Variants in RIT2 observed in about 807,000 individuals in gnomAD.
RIT2 encodes GTP-binding protein Rit2.
A neutral mutation model predicts 23.7 loss-of-function variants in RIT2; 24 were observed. The ratio of observed to expected loss-of-function variants is 1.01; its 90% confidence interval spans 0.73 to 1.43. RIT2 has a LOEUF of 1.43. Among genes scored for constraint, RIT2 ranks in the 40% most tolerant of loss-of-function variants. The pLI, the probability that RIT2 is intolerant of heterozygous loss-of-function variation, is 0.00. For synonymous variants in RIT2, 107 were observed against 91.1 expected (o/e 1.17, Z -0.99); for missense variants, 236 against 266.9 (o/e 0.88, Z 0.81).
intron 4 of RIT2, among the ~76,000 whole-genome samples, chr18:42,797,211 C>A (rs990945969): frequency 1.3e-5 from 2 of 152,050 alleles, no homozygotes; most frequent in Admixed American, 1.3e-4. Flanking sequence ...GGAAATCAGG[C>A]ATATAATCTA....
intron 2 of RIT2, among the ~76,000 whole-genome samples, chr18:42,978,608 A>G (rs1006655101): frequency 6.6e-6 from 1 of 152,168 alleles, no homozygotes; most frequent in Non-Finnish European, 1.5e-5. Flanking sequence ...AAGCTTTATC[A>G]GGCAGAAATG....
intron 2 of RIT2, among the ~76,000 whole-genome samples, chr18:43,015,370 A>G (rs1911450506): frequency 6.6e-6 from 1 of 151,692 alleles, no homozygotes; most frequent in South Asian, 2.1e-4. Context: ...AAGAGGAACA[A>G]TTTGGATAGG....
chr18:43,022,463 C>G (rs1000666061), intron 2 of RIT2, among the ~76,000 whole-genome samples: 1 of 152,070 alleles, frequency 6.6e-6, no homozygotes, highest in African/African-American at 2.4e-5. Flanking sequence ...TTGAATATTT[C>G]TAACACATAG....
intron 1 of RIT2, among the ~76,000 whole-genome samples, chr18:43,090,225 C>G (rs190148127): frequency 6.6e-6 from 1 of 152,210 alleles, no homozygotes; most frequent in East Asian, 1.9e-4. Flanking sequence ...TGAACAGACA[C>G]TTTTCAAAAG....
At chr18:43,028,278 C>T (rs1911778121) in intron 2 of RIT2, among the ~76,000 whole-genome samples, 1 of 151,954 alleles carries the variant, frequency 6.6e-6, no homozygotes, top group African/African-American at 2.4e-5. Flanking sequence ...TGTATGCAAA[C>T]TGAGACCTGA....
chr18:43,047,763 G>C (rs1455047957), intron 1 of RIT2, among the ~76,000 whole-genome samples: 2 of 152,152 alleles, frequency 1.3e-5, no homozygotes, highest in Admixed American at 6.6e-5. Context: ...ATGGAGCATG[G>C]TTAGAAAATT....
intron 4 of RIT2, among the ~76,000 whole-genome samples, chr18:42,918,900 C>G (rs1044920205): frequency 6.6e-6 from 1 of 152,126 alleles, no homozygotes; most frequent in Non-Finnish European, 1.5e-5. Flanking sequence ...AGATATTCAT[C>G]CATTCATTCA....
chr18:43,024,768 A>G (rs1324862597), intron 2 of RIT2, among the ~76,000 whole-genome samples: 2 of 152,108 alleles, frequency 1.3e-5, no homozygotes, highest in Non-Finnish European at 2.9e-5. Flanking sequence ...TAAAGTGGGC[A>G]AAGAACATAA....
intron 4 of RIT2, among the ~76,000 whole-genome samples, chr18:42,814,923 A>T (rs1299867906): frequency 6.6e-6 from 1 of 152,140 alleles, no homozygotes; most frequent in Non-Finnish European, 1.5e-5. Context: ...AAGAGAGATA[A>T]TGATTACTAT....
intron 3 of RIT2, among the ~76,000 whole-genome samples, chr18:42,967,859 T>G (rs1910272812): frequency 6.6e-6 from 1 of 152,042 alleles, no homozygotes; most frequent in South Asian, 2.1e-4. Flanking sequence ...TAAAATAATT[T>G]TTAAGTTTTA....
At chr18:42,793,291 T>TA (rs1598656004) in intron 4 of RIT2, among the ~76,000 whole-genome samples, 1 of 152,220 alleles carries the variant, frequency 6.6e-6, no homozygotes, top group East Asian at 1.9e-4. Context: ...TTTCCCCCTA[T>TA]ACTGCCAGAC....
intron 2 of RIT2, among the ~76,000 whole-genome samples, chr18:43,009,202 GA>G (rs1022514643): frequency 6.6e-6 from 1 of 151,134 alleles, no homozygotes. Flanking sequence ...GTCTACACTA[GA>G]AAAAAAATTA....
At chr18:42,870,132 CAT>C (rs2144062048) in intron 4 of RIT2, among the ~76,000 whole-genome samples, 2 of 152,264 alleles carry the variant, frequency 1.3e-5, no homozygotes, top group African/African-American at 4.8e-5. Context: ...TATGGCCACT[CAT>C]AAAGACATCA....
At chr18:43,098,005 A>C (rs1913595235) in intron 1 of RIT2, among the ~76,000 whole-genome samples, 1 of 151,984 alleles carries the variant, frequency 6.6e-6, no homozygotes, top group African/African-American at 2.4e-5. Context: ...GGTGTAGCTA[A>C]AGTGCTAGCT....
At chr18:43,093,080 T>A (rs1352352889) in intron 1 of RIT2, among the ~76,000 whole-genome samples, 1 of 152,116 alleles carries the variant, frequency 6.6e-6, no homozygotes, top group African/African-American at 2.4e-5. Flanking sequence ...ACTCATTTTA[T>A]TAGCATTGAG....
intron 4 of RIT2, among the ~76,000 whole-genome samples, chr18:42,759,596 C>G (rs1046512038): frequency 6.6e-6 from 1 of 151,650 alleles, no homozygotes; most frequent in Non-Finnish European, 1.5e-5. Context: ...GGCAATCAGG[C>G]TTGCATTGAG....
chr18:42,955,904 A>G (rs1459279054), intron 3 of RIT2, among the ~76,000 whole-genome samples: 1 of 152,076 alleles, frequency 6.6e-6, no homozygotes, highest in African/African-American at 2.4e-5. Flanking sequence ...GAATTTACCT[A>G]TTCTGGAAAA....
chr18:42,871,944 G>T, intron 4 of RIT2, among the ~76,000 whole-genome samples: 1 of 152,138 alleles, frequency 6.6e-6, no homozygotes. Context: ...GTATGTCAGG[G>T]ATGTGAACAT....
chr18:43,039,463 C>T (rs1332572876), intron 1 of RIT2, among the ~76,000 whole-genome samples: 2 of 151,760 alleles, frequency 1.3e-5, no homozygotes, highest in African/African-American at 2.4e-5. Flanking sequence ...ATTATCCTGC[C>T]TCAGCCTCCT....
Sources: gnomAD v4.1 joint callset for allele counts (sites outside exome capture counted in the v4.1 genomes callset) on GRCh38, gnomAD v4.1.1 for gene constraint, MANE v1.5 for transcripts, NCBI Gene and HGNC (gene_info 2026-07-23, HGNC 2026-07-21) for gene names.